The following FOXP1 variants were observed in gnomAD, a reference collection of about 807,000 sequenced individuals.
The protein encoded by FOXP1 is forkhead box P1, also known as forkhead box protein P1.
Under a neutral mutation model 98.2 loss-of-function variants are expected in FOXP1, and 15 were observed. The observed-to-expected ratio is 0.15, with a 90% CI of 0.10 to 0.24. The LOEUF (loss-of-function observed/expected upper bound fraction) is 0.24, where lower values mean the gene tolerates loss of function less well. Ranked by LOEUF, FOXP1 falls within the 10% of genes least tolerant of loss-of-function variation. The pLI, the probability that FOXP1 is intolerant of heterozygous loss-of-function variation, is 1.00. For missense variants in FOXP1, 633 were observed against 848.5 expected (o/e 0.75, Z 3.15); for synonymous variants, 371 against 314.5 (o/e 1.18, Z -1.90).
intron 2 of FOXP1, among the ~76,000 whole-genome samples, chr3:71,498,390 A>G (rs2091560045): frequency 6.6e-6 from 1 of 152,204 alleles, no homozygotes; most frequent in African/African-American, 2.4e-5. Context: ...TTTACCAAAC[A>G]CTGCCAGGCA....
At chr3:71,328,482 G>A (rs998143874) in intron 4 of FOXP1, among the ~76,000 whole-genome samples, 4 of 152,160 alleles carry the variant, frequency 2.6e-5, no homozygotes, top group African/African-American at 9.7e-5. Context: ...GCTGGAGTCA[G>A]TGAGGGCAGC....
chr3:71,080,467 G>A (rs895723851), intron 7 of FOXP1, among the ~76,000 whole-genome samples: 3 of 152,216 alleles, frequency 2.0e-5, no homozygotes, highest in African/African-American at 7.2e-5. Context: ...CAGAGAATAG[G>A]AGCTACTATT....
At chr3:71,047,789 G>C (rs1344170663) in intron 9 of FOXP1, among the ~76,000 whole-genome samples, 1 of 152,174 alleles carries the variant, frequency 6.6e-6, no homozygotes, top group Non-Finnish European at 1.5e-5. Context: ...TCCCAGGTCT[G>C]GTGGCTTGTC....
At chr3:71,042,268 T>C (rs1192533259) in intron 10 of FOXP1, among the ~76,000 whole-genome samples, 1 of 152,156 alleles carries the variant, frequency 6.6e-6, no homozygotes, top group East Asian at 1.9e-4. Flanking sequence ...TAAAATAAAC[T>C]TACAGTAATG....
Position 71,312,683 on chromosome 3 carries a change from T to C in FOXP1, c.-72-12803A>G, listed in dbSNP as rs114571984. Reference sequence around the variant, plus strand: ...TAGCCTGGGCAATAAAGTGAGACACTGTTTAATAATGGGGGAATAGGCCAG... The same window carrying C: ...TAGCCTGGGCAATAAAGTGAGACACCGTTTAATAATGGGGGAATAGGCCAG... On this transcript the variant is annotated intron_variant, in intron 4 of 20. Coordinates refer to ENST00000649528, the MANE Select transcript of FOXP1 (RefSeq NM_001349338.3). Among the ~76,000 whole-genome samples, 1,429 of 152,284 alleles carry C rather than the reference T, an allele frequency of 9.4e-3. 25 individuals carry two copies. The highest frequency in any genetic ancestry group is 0.033 in the African/African-American group (1,365 of 41,570).
chr3:71,369,636 G>A (rs1031246530), intron 3 of FOXP1, among the ~76,000 whole-genome samples: 4 of 151,958 alleles, frequency 2.6e-5, no homozygotes, highest in Admixed American at 1.3e-4. Context: ...CTCGTGATCC[G>A]CCCGCCTCAG....
chr3:71,055,676 G>C (rs2050524684), intron 7 of FOXP1, among the ~76,000 whole-genome samples: 1 of 152,072 alleles, frequency 6.6e-6, no homozygotes, highest in Non-Finnish European at 1.5e-5. Context: ...GAAACTTTTC[G>C]GATTTTTAAG....
chr3:71,265,877 A>C (rs2069595194), intron 5 of FOXP1, among the ~76,000 whole-genome samples: 1 of 152,206 alleles, frequency 6.6e-6, no homozygotes, highest in Non-Finnish European at 1.5e-5. Context: ...TCAGGTATCA[A>C]AAGGCAGGAG....
intron 6 of FOXP1, among the ~76,000 whole-genome samples, chr3:71,162,045 C>T (rs1469895361): frequency 2.6e-5 from 4 of 152,110 alleles, no homozygotes; most frequent in East Asian, 3.9e-4. Context: ...AATCCCTACC[C>T]GCAGTTTATG....
At chr3:71,355,739 C>T (rs575399872) in intron 4 of FOXP1, among the ~76,000 whole-genome samples, 5 of 152,246 alleles carry the variant, frequency 3.3e-5, no homozygotes, top group African/African-American at 1.2e-4. Context: ...AGGCTGGGGT[C>T]TGTTGCCCCA....
At chr3:71,149,661 GATAA>G (rs2060478915) in intron 6 of FOXP1, among the ~76,000 whole-genome samples, 1 of 152,094 alleles carries the variant, frequency 6.6e-6, no homozygotes, top group Non-Finnish European at 1.5e-5. Context: ...AGGTATAGCC[GATAA>G]ATACATAGAT....
intron 4 of FOXP1, among the ~76,000 whole-genome samples, chr3:71,316,947 C>A (rs139780993): frequency 6.6e-6 from 1 of 152,072 alleles, no homozygotes; most frequent in South Asian, 2.1e-4. Context: ...TGAGCCACTG[C>A]GCCTGGCCAG....
At chr3:71,026,300 A>G (rs1187838689) in intron 11 of FOXP1, among the ~76,000 whole-genome samples, 3 of 152,188 alleles carry the variant, frequency 2.0e-5, no homozygotes, top group African/African-American at 7.2e-5. Flanking sequence ...GACAGGGCAA[A>G]CCTCACAACA....
intron 6 of FOXP1, among the ~76,000 whole-genome samples, chr3:71,129,297 G>C (rs1439468675): frequency 6.6e-6 from 1 of 152,110 alleles, no homozygotes; most frequent in African/African-American, 2.4e-5. Context: ...TCTTGCAAAA[G>C]AGAACAACTT....
chr3:71,445,182 T>C (rs1450528416), intron 3 of FOXP1, among the ~76,000 whole-genome samples: 5 of 152,032 alleles, frequency 3.3e-5, no homozygotes, highest in Non-Finnish European at 5.9e-5. Context: ...GGAGGCCAAG[T>C]GTGGGAGGGC....
intron 17 of FOXP1, 47 bp downstream of exon 17, chr3:70,976,894 T>TCTATGAACGTCAAGA (rs757864388): frequency 7.4e-7 from 1 of 1,356,644 alleles, no homozygotes; most frequent in East Asian, 2.3e-5. Flanking sequence ...AACAAACTGT[T>TCTATGAACGTCAAGA]CTATGAACGT....
chr3:71,399,398 TA>T (rs2081794181), intron 3 of FOXP1, among the ~76,000 whole-genome samples: 1 of 152,138 alleles, frequency 6.6e-6, no homozygotes, highest in African/African-American at 2.4e-5. Context: ...AAGGAAAGTA[TA>T]AAATACCCTT....
At chr3:71,489,746 C>G (rs1428099115) in intron 3 of FOXP1, among the ~76,000 whole-genome samples, 1 of 152,198 alleles carries the variant, frequency 6.6e-6, no homozygotes, top group Non-Finnish European at 1.5e-5. Context: ...TCTCCTGCCT[C>G]TAAGTTAATT....
Position 71,436,071 on chromosome 3 carries a change from A to G in FOXP1, c.-168+57355T>C, listed in dbSNP as rs75702504. On this transcript the variant is annotated intron_variant, in intron 3 of 20. Coordinates refer to ENST00000649528, the MANE Select transcript of FOXP1 (RefSeq NM_001349338.3). ...TTAATACCCTGTTATGTCACAACTG[A>G]AAACCATTTCTGATTTTTCAGGGAA... Among the ~76,000 whole-genome samples the G allele has an allele frequency of 4.4e-3, 676 of 152,004 alleles. 21 individuals carry two copies. In the East Asian group the frequency reaches 0.065, roughly 15 times the overall value.
Sources: allele counts gnomAD v4.1 joint callset (sites outside exome capture counted in the v4.1 genomes callset), GRCh38; gene constraint gnomAD v4.1.1; transcripts MANE v1.5; gene names NCBI Gene and HGNC (gene_info 2026-07-23, HGNC 2026-07-21).